NEGR1: variants seen among roughly 807,000 people sequenced by gnomAD.
NEGR1 encodes IgLON family member 4.
Under a neutral mutation model 40.9 loss-of-function variants are expected in NEGR1, and 10 were observed. That is an observed-to-expected ratio of 0.24 (90% CI 0.15 to 0.42). NEGR1 has a LOEUF of 0.42. Among genes scored for constraint, NEGR1 ranks in the 10% least tolerant of loss-of-function variants. The pLI is 1.00. For missense variants in NEGR1, 352 were observed against 438.9 expected (o/e 0.80, Z 1.77); for synonymous variants, 185 against 166.8 (o/e 1.11, Z -0.84).
At chr1:72,025,649 C>T (rs999569061) in intron 1 of NEGR1, among the ~76,000 whole-genome samples, 3 of 152,226 alleles carry the variant, frequency 2.0e-5, no homozygotes, top group Admixed American at 6.5e-5. Context: ...GAAAATAAAG[C>T]AGAGTTTTAA....
chr1:72,253,118 A>T (rs1179289331), intron 1 of NEGR1, among the ~76,000 whole-genome samples: 1 of 152,198 alleles, frequency 6.6e-6, no homozygotes, highest in Non-Finnish European at 1.5e-5. Flanking sequence ...ATTTGATAAC[A>T]TGGCTTCAGA....
chr1:71,776,298 C>T lies in NEGR1; in HGVS notation c.410-1G>A. ...GAGATGTCATATATCTTAGGAGGAA[C>T]TGAAATGACAAAATACGCAGTGATT... On this transcript the variant is annotated splice_acceptor_variant, in intron 2 of 6. Coordinates refer to ENST00000357731, the MANE Select transcript of NEGR1 (RefSeq NM_173808.3). LOFTEE classifies it high-confidence loss of function. 1 of 1,553,132 alleles carries T rather than the reference C, an allele frequency of 6.4e-7. No homozygotes were observed. The highest frequency in any genetic ancestry group is 8.7e-7 in the Non-Finnish European group (1 of 1,144,002).
chr1:71,661,783 A>G (rs1048439248), intron 4 of NEGR1, among the ~76,000 whole-genome samples: 1 of 152,188 alleles, frequency 6.6e-6, no homozygotes, highest in East Asian at 1.9e-4. Context: ...TTCTCCCATT[A>G]TTCTACCTCT....
intron 5 of NEGR1, among the ~76,000 whole-genome samples, chr1:71,603,159 T>C (rs778494082): frequency 2.6e-5 from 4 of 152,230 alleles, no homozygotes; most frequent in Non-Finnish European, 5.9e-5. Context: ...GTGAAACTTT[T>C]CAAATTATCT....
At chr1:71,991,104 C>T (rs1378084100) in intron 1 of NEGR1, among the ~76,000 whole-genome samples, 1 of 151,940 alleles carries the variant, frequency 6.6e-6, no homozygotes, top group Non-Finnish European at 1.5e-5. Flanking sequence ...ATTCCCTGCT[C>T]AACTTCTCAA....
intron 1 of NEGR1, among the ~76,000 whole-genome samples, chr1:71,992,202 G>T (rs1275490498): frequency 1.3e-5 from 2 of 152,120 alleles, no homozygotes; most frequent in South Asian, 2.1e-4. Flanking sequence ...TTTAAAAATT[G>T]TGTATTTCAT....
At chr1:71,842,565 T>C (rs1181282346) in intron 2 of NEGR1, among the ~76,000 whole-genome samples, 1 of 152,228 alleles carries the variant, frequency 6.6e-6, no homozygotes, top group African/African-American at 2.4e-5. Flanking sequence ...TGTCTTCATC[T>C]ATACTGTTAA....
chr1:72,248,954 C>T (rs1407893406), intron 1 of NEGR1, among the ~76,000 whole-genome samples: 1 of 152,160 alleles, frequency 6.6e-6, no homozygotes, highest in Non-Finnish European at 1.5e-5. Context: ...TAAAGTTAGA[C>T]TTGATTGCTA....
intron 1 of NEGR1, among the ~76,000 whole-genome samples, chr1:72,032,800 T>C (rs570706882): frequency 6.6e-6 from 1 of 152,238 alleles, no homozygotes; most frequent in Admixed American, 6.5e-5. Flanking sequence ...GTGAGGTCAC[T>C]TCCTAGGTGA....
chr1:71,640,893 CTG>C (rs1651327832), intron 4 of NEGR1, among the ~76,000 whole-genome samples: 1 of 152,002 alleles, frequency 6.6e-6, no homozygotes, highest in Non-Finnish European at 1.5e-5. Flanking sequence ...GTTCTGGACA[CTG>C]TTGAGTAAGA....
chr1:71,912,817 T>C (rs983736634), intron 2 of NEGR1, among the ~76,000 whole-genome samples: 1 of 151,984 alleles, frequency 6.6e-6, no homozygotes, highest in Non-Finnish European at 1.5e-5. Flanking sequence ...TGTGTGTGTA[T>C]ATATATATAG....
At chr1:72,272,563 A>G (rs953329517) in intron 1 of NEGR1, among the ~76,000 whole-genome samples, 30 of 152,080 alleles carry the variant, frequency 2.0e-4, no homozygotes, top group Admixed American at 2.6e-4. Flanking sequence ...TATATTCACA[A>G]TATCTCTTAA....
intron 6 of NEGR1, among the ~76,000 whole-genome samples, chr1:71,539,215 C>T (rs989411521): frequency 4.0e-5 from 6 of 151,730 alleles, no homozygotes; most frequent in Non-Finnish European, 8.9e-5. Flanking sequence ...AAATAAGCAT[C>T]ACTCTATAAA....
At chr1:71,418,462 C>T (rs548688931) in intron 6 of NEGR1, among the ~76,000 whole-genome samples, 9 of 151,938 alleles carry the variant, frequency 5.9e-5, no homozygotes, top group South Asian at 2.1e-4. Flanking sequence ...TACAGGTGCC[C>T]GCCACCACGG....
intron 2 of NEGR1, among the ~76,000 whole-genome samples, chr1:71,780,040 CAAA>C (rs57576840): frequency 1.2e-4 from 12 of 99,732 alleles, no homozygotes; most frequent in African/African-American, 4.7e-4. Context: ...ATAGGAAAAC[CAAA>C]AAAAAAAAAA....
chr1:71,669,100 T>C (rs1185242953), intron 4 of NEGR1, among the ~76,000 whole-genome samples: 1 of 152,200 alleles, frequency 6.6e-6, no homozygotes, highest in Admixed American at 6.5e-5. Context: ...AATTTTTATA[T>C]ATTCCTAGCT....
chr1:71,739,680 A>C (rs1655154630), intron 3 of NEGR1, among the ~76,000 whole-genome samples: 1 of 152,132 alleles, frequency 6.6e-6, no homozygotes, highest in African/African-American at 2.4e-5. Flanking sequence ...AAAATCAGGA[A>C]ATTGATTCAC....
chr1:71,946,796 T>G (rs558131070), intron 1 of NEGR1, among the ~76,000 whole-genome samples: 1 of 152,016 alleles, frequency 6.6e-6, no homozygotes, highest in Non-Finnish European at 1.5e-5. Context: ...TTGAACAACT[T>G]TTATATTTAT....
chr1:72,095,480 C>A (rs1557524059), intron 1 of NEGR1, among the ~76,000 whole-genome samples: 1 of 151,936 alleles, frequency 6.6e-6, no homozygotes, highest in East Asian at 1.9e-4. Flanking sequence ...TGATATATTT[C>A]TCTTGAATGC....
Sources: gnomAD v4.1 joint callset for allele counts (sites outside exome capture counted in the v4.1 genomes callset) on GRCh38, gnomAD v4.1.1 for gene constraint, MANE v1.5 for transcripts, NCBI Gene and HGNC (gene_info 2026-07-23, HGNC 2026-07-21) for gene names.